Variants in FOSL1 observed in about 807,000 individuals in gnomAD.
The protein encoded by FOSL1 is fos-related antigen 1.
Under a neutral mutation model 24.9 loss-of-function variants are expected in FOSL1, and 14 were observed. The observed-to-expected ratio is 0.56, with a 90% CI of 0.37 to 0.88. The LOEUF is 0.88. Ranked by LOEUF, FOSL1 falls within the 40% of genes least tolerant of loss-of-function variation. The pLI, the probability that FOSL1 is intolerant of heterozygous loss-of-function variation, is 0.00. For synonymous variants in FOSL1, 133 were observed against 145.1 expected, an observed-to-expected ratio of 0.92 and a Z score of 0.60; for missense variants, 318 against 359.8, an observed-to-expected ratio of 0.88 and a Z score of 0.94.
intron 2 of FOSL1, among the ~76,000 whole-genome samples, chr11:65,895,080 G>A (rs1007139767): frequency 1.3e-5 from 2 of 151,256 alleles, no homozygotes; most frequent in Admixed American, 1.3e-4. Flanking sequence ...GATTACCAGG[G>A]GGAGTCACCA....
chr11:65,896,728 C>T, intron 2 of FOSL1, 81 bp downstream of exon 2: 1 of 1,213,672 alleles, frequency 8.2e-7, no homozygotes. Flanking sequence ...TAAGCCTGTG[C>T]TCTCCTTTCT....
chr11:65,893,518 C>CA (rs1302270101), intron 3 of FOSL1, among the ~76,000 whole-genome samples: 1 of 152,098 alleles, frequency 6.6e-6, no homozygotes, highest in African/African-American at 2.4e-5. Context: ...TGGCACCAGG[C>CA]AGTGACTCCG....
chr11:65,894,100 G>C lies in FOSL1; in HGVS notation c.319C>G (p.Arg107Gly). The change falls in exon 3 of 4, where the codon CGC becomes GGC. Residue 107 changes from arginine (R) to glycine (G), a missense_variant. By Grantham distance (125) the Arg-to-Gly change is moderately radical. Transcript: ENST00000312562. Reference protein sequence around the residue: ...CEQISPEEEERRRVRRERNKL... With the variant: ...CEQISPEEEEGRRVRRERNKL... ...TTCCGCTCGCGCCTTACTCGGCGGCGCTCCTCTTCCTCCGGGCTGATCTGG... is the reference window on the plus strand; with the variant it reads ...TTCCGCTCGCGCCTTACTCGGCGGCCCTCCTCTTCCTCCGGGCTGATCTGG... 1.4e-5 allele frequency: 23 copies of C among 1,607,826 alleles called. No homozygotes were observed. The highest frequency in any genetic ancestry group is 2.0e-5 in the Non-Finnish European group (23 of 1,179,198).
intron 1 of FOSL1, among the ~76,000 whole-genome samples, chr11:65,899,273 G>T (rs1311485764): frequency 6.6e-6 from 1 of 152,192 alleles, no homozygotes; most frequent in Non-Finnish European, 1.5e-5. Flanking sequence ...GAGCCCAAGC[G>T]CTGCGGGCCC....
At chr11:65,898,316 T>C (rs1423476453) in intron 1 of FOSL1, among the ~76,000 whole-genome samples, 1 of 152,116 alleles carries the variant, frequency 6.6e-6, no homozygotes, top group African/African-American at 2.4e-5. Context: ...GCTGGGATTA[T>C]AGGCATGAGG....
rs1258638832 is a variant in FOSL1 at position 65,892,893 on chromosome 11, G to C, written c.809C>G (p.Ala270Gly). ...GAGTAGGGCTCAGGCGCCTCACAAA[G>C]CGAGGAGGGTTGGAGAGCCAAGGGG... ...SDPLGSPTLLAL is the reference protein window; with the variant it reads ...SDPLGSPTLLGL Residue 270 changes from alanine (A) to glycine (G), a missense_variant, in exon 4 of 4, where the codon GCT becomes GGT. Physicochemically the swap from Ala to Gly is moderately conservative, Grantham distance 60. Transcript: ENST00000312562. 2 of 1,611,172 alleles carry C rather than the reference G, an allele frequency of 1.2e-6. No homozygotes were observed. The highest frequency in any genetic ancestry group is 1.7e-6 in the Non-Finnish European group (2 of 1,179,750).
At chr11:65,896,739 G>T in intron 2 of FOSL1, 70 bp downstream of exon 2, 1 of 1,298,280 alleles carries the variant, frequency 7.7e-7, no homozygotes, top group Non-Finnish European at 1.1e-6. Flanking sequence ...TCTCCTTTCT[G>T]GCAGGAGCTT....
chr11:65,895,123 C>CTTTTTTT (rs71036251), intron 2 of FOSL1, among the ~76,000 whole-genome samples: 1 of 111,432 alleles, frequency 9.0e-6, no homozygotes, highest in African/African-American at 3.6e-5. Context: ...AACATAGATT[C>CTTTTTTT]TTTTTTTTTT....
Position 65,896,925 on chromosome 11 carries a change from GCCCCAGGAAATGAGGCTGTA to G in FOSL1, c.161_180del (p.Val54AlafsTer38). 1.2e-6 allele frequency: 2 copies of G among 1,613,896 alleles called. No homozygotes were observed. Among genetic ancestry groups the G allele is most frequent in the Non-Finnish European group, 1.7e-6 (2 of 1,179,748 alleles). Reference sequence around the variant, plus strand: ...GTCAGAGGCCTGGGGTAACTGCTGGGCCCCAGGAAATGAGGCTGTACCATCCACTGCAGCTCCTGACTGCC... The same window carrying G: ...GTCAGAGGCCTGGGGTAACTGCTGGGCCATCCACTGCAGCTCCTGACTGCC... On this transcript the variant is annotated frameshift_variant, in exon 2 of 4. Coordinates refer to ENST00000312562, the MANE Select transcript of FOSL1 (RefSeq NM_005438.5). LOFTEE classifies it high-confidence loss of function.
chr11:65,896,547 C>T (rs1004378719), intron 2 of FOSL1, among the ~76,000 whole-genome samples: 1 of 152,080 alleles, frequency 6.6e-6, no homozygotes, highest in Non-Finnish European at 1.5e-5. Flanking sequence ...ATGTCCTTTC[C>T]TTCCTCTCTG....
chr11:65,899,255 G>C (rs1860608702), intron 1 of FOSL1, among the ~76,000 whole-genome samples: 1 of 152,196 alleles, frequency 6.6e-6, no homozygotes, highest in Non-Finnish European at 1.5e-5. Flanking sequence ...TCCCGACAGC[G>C]GTAGCCCGAG....
rs1263803712 is a variant in FOSL1, at chr11:65,893,151, C to T, written c.551G>A (p.Gly184Asp). 6.1e-5 allele frequency: 98 copies of T among 1,613,372 alleles called. No individual in the cohort carries two copies. Among genetic ancestry groups the T allele is most frequent in the Non-Finnish European group, 8.2e-5 (97 of 1,179,946 alleles). Residue 184 changes from glycine (G) to aspartate (D), a missense_variant, in exon 4 of 4, where the codon GGC (glycine) becomes GAC (aspartate). Transcript: ENST00000312562. Reference protein sequence around the residue: ...IPEGAKEGDTGSTSGTSSPPA... With the variant: ...IPEGAKEGDTDSTSGTSSPPA... Reference sequence around the variant, plus strand: ...TGGGCTGCTGGTGCCACTGGTACTGCCTGTGTCCCCCTCCTTGGCTCCTTC... The same window carrying T: ...TGGGCTGCTGGTGCCACTGGTACTGTCTGTGTCCCCCTCCTTGGCTCCTTC...
intron 2 of FOSL1, among the ~76,000 whole-genome samples, chr11:65,894,822 A>G (rs1860482809): frequency 6.6e-6 from 1 of 151,722 alleles, no homozygotes; most frequent in African/African-American, 2.4e-5. Context: ...ACACCTGGCT[A>G]ATTTTTGTAT....
intron 1 of FOSL1, 84 bp downstream of exon 1, chr11:65,900,157 T>C: frequency 1.5e-6 from 1 of 666,066 alleles, no homozygotes; most frequent in Non-Finnish European, 2.1e-6. Context: ...GGTTCCCCGC[T>C]CCAGTCCCGG....
In FOSL1 at chr11:65,900,266, G is replaced by GGGGGCTGCGC. The variant is rs1860639970; in HGVS notation, c.64_73dup (p.Pro25ArgfsTer77). 1 of 1,242,894 alleles carries GGGGGCTGCGC rather than the reference G, an allele frequency of 8.0e-7. No homozygotes were observed. The highest frequency in any genetic ancestry group is 4.2e-5 in the Admixed American group (1 of 23,740). 77.0% of individuals were successfully genotyped at this position (1,242,894 alleles called of 1,614,324 possible). On this transcript the variant is annotated frameshift_variant, in exon 1 of 4. Coordinates refer to ENST00000312562, the MANE Select transcript of FOSL1 (RefSeq NM_005438.5). LOFTEE classifies it high-confidence loss of function. ...CTGCTGGGCTGCCTGCGCTGCGGCC[G>GGGGGCTGCGC]GGGGCTGCGCGGGGCCGCCGTACCC... is the stretch of plus-strand genomic sequence containing the variant.
intron 2 of FOSL1, among the ~76,000 whole-genome samples, chr11:65,895,835 C>A (rs778783145): frequency 6.6e-6 from 1 of 152,148 alleles, no homozygotes; most frequent in Non-Finnish European, 1.5e-5. Flanking sequence ...TTAACCTCAT[C>A]CCCTGTAGTC....
intron 2 of FOSL1, 109 bp downstream of exon 2, chr11:65,896,700 G>C: frequency 2.2e-6 from 2 of 911,160 alleles, no homozygotes; most frequent in South Asian, 3.6e-5. Context: ...GTCACCTGTA[G>C]CCTACCTTAC....
At position 65,893,160 on chromosome 11, in the gene FOSL1, C is replaced by G; in HGVS notation, c.542G>C (p.Gly181Ala). The G allele has an allele frequency of 6.2e-7, 1 of 1,613,592 alleles. No individual in the cohort carries two copies. Among genetic ancestry groups the G allele is most frequent in the Non-Finnish European group, 8.5e-7 (1 of 1,179,966 alleles). Residue 181 changes from glycine (G) to alanine (A), a missense_variant, in exon 4 of 4, where the codon GGG becomes GCG. Transcript: ENST00000312562. Reference protein sequence around the residue: ...ICKIPEGAKEGDTGSTSGTSS... With the variant: ...ICKIPEGAKEADTGSTSGTSS... ...GGTGCCACTGGTACTGCCTGTGTCCCCCTCCTTGGCTCCTTCCGGGATTTT... is the reference window on the plus strand; with the variant it reads ...GGTGCCACTGGTACTGCCTGTGTCCGCCTCCTTGGCTCCTTCCGGGATTTT...
rs973032080 is a variant in FOSL1, at chr11:65,900,315, C to A, written c.25G>T (p.Gly9Cys). The change falls in exon 1 of 4, where the codon GGC becomes TGC. Residue 9 changes from glycine (G) to cysteine (C), a missense_variant. Physicochemically the swap from Gly to Cys is radical, Grantham distance 159. Transcript: ENST00000312562. The stretch of plus-strand genomic sequence containing the variant: ...CCGCCGCCGTTCCCGGAGCTCGGGC[C>A]GGGTTCCCCGAAGTCTCGGAACATG... MFRDFGEPGPSSGNGGGYG... is the reference protein window; with the variant it reads MFRDFGEPCPSSGNGGGYG... The A allele has an allele frequency of 8.0e-7, 1 of 1,243,732 alleles. No individual in the cohort carries two copies. The highest frequency in any genetic ancestry group is 1.0e-6 in the Non-Finnish European group (1 of 993,994). The allele number at this position is 1,243,732 out of a possible 1,614,324, so 77.0% of individuals were successfully genotyped here. A position where few individuals can be genotyped will look rare whatever the true frequency, so the allele number is the denominator to read the frequency against.
Sources: allele counts gnomAD v4.1 joint callset (sites outside exome capture counted in the v4.1 genomes callset), GRCh38; gene constraint gnomAD v4.1.1; transcripts MANE v1.5; gene names NCBI Gene and HGNC (gene_info 2026-07-23, HGNC 2026-07-21).